FAM177B: variants seen among roughly 807,000 people sequenced by gnomAD.
FAM177B encodes the protein protein FAM177B.
In FAM177B, 16 loss-of-function variants were observed where a neutral mutation model predicts 16.1. The observed-to-expected ratio is 0.99, with a 90% CI of 0.67 to 1.51. The LOEUF is 1.51. Among genes scored for constraint, FAM177B ranks in the 40% most tolerant of loss-of-function variants. FAM177B has a pLI of 0.00. For synonymous variants in FAM177B, 56 were observed against 59.9 expected, an observed-to-expected ratio of 0.93 and a Z score of 0.30; for missense variants, 178 against 183.7, an observed-to-expected ratio of 0.97 and a Z score of 0.18.
At chr1:222,741,047 T>TTTTTG (rs1658501250) in intron 2 of FAM177B, among the ~76,000 whole-genome samples, 1 of 141,622 alleles carries the variant, frequency 7.1e-6, no homozygotes, top group Non-Finnish European at 1.5e-5. Context: ...TGCATCTTAC[T>TTTTTG]TTTTGTTTTC....
intron 2 of FAM177B, 50 bp from the exon 3 acceptor site, chr1:222,746,481 T>A: frequency 9.5e-7 from 1 of 1,047,354 alleles, no homozygotes; most frequent in Non-Finnish European, 1.4e-6. Context: ...ACTAGATAAC[T>A]CTCAGCTCTG....
intron 2 of FAM177B, among the ~76,000 whole-genome samples, chr1:222,745,374 G>A (rs1658743802): frequency 6.6e-6 from 1 of 152,190 alleles, no homozygotes; most frequent in Non-Finnish European, 1.5e-5. Flanking sequence ...CACTTTGGGA[G>A]GCCAAGGTGG....
At chr1:222,737,597 G>C (rs1407771262) in intron 1 of FAM177B, among the ~76,000 whole-genome samples, 1 of 152,186 alleles carries the variant, frequency 6.6e-6, no homozygotes, top group Non-Finnish European at 1.5e-5. Context: ...AGTAGTACAA[G>C]ATGGCGTCAG....
At chr1:222,740,231 A>C (rs1319092676) in intron 2 of FAM177B, among the ~76,000 whole-genome samples, 1 of 152,182 alleles carries the variant, frequency 6.6e-6, no homozygotes, top group East Asian at 1.9e-4. Context: ...TTATTTTTAT[A>C]TATATAAGCA....
At chr1:222,739,790 C>T (rs1658442899) in intron 2 of FAM177B, 1 of 152,126 alleles carries the variant, frequency 6.6e-6, no homozygotes, top group Admixed American at 6.5e-5. Flanking sequence ...ACTTTCAACA[C>T]CAAACATCAC....
chr1:222,747,182 G>A lies in FAM177B; in HGVS notation c.241+101G>A, dbSNP rs75603129. The A allele has an allele frequency of 6.1e-3, 4,980 of 811,246 alleles. 163 individuals carry two copies. In the African/African-American group the frequency reaches 0.073, roughly 12 times the overall value. 50.3% of individuals were successfully genotyped at this position (811,246 alleles called of 1,614,324 possible). On this transcript the variant is annotated intron_variant, in intron 4 of 5. Transcript: ENST00000445590. ...TTCCAATTGTGTAAGCCACTCCATC[G>A]CATCCTGAATAAGTGAGATCTGGGC...
At position 222,749,939 on chromosome 1, in the gene FAM177B, GAA is replaced by G; in HGVS notation, c.360_361del (p.Arg121GlufsTer9). On this transcript the variant is annotated frameshift_variant, in exon 6 of 6. Transcript: ENST00000445590. LOFTEE classifies it low-confidence loss of function (END_TRUNC). ...AAAACAGAAAAGTGACAACAAAAGT[GAA>G]AGGAGAGGATCAAAGGCCCAGGCAG... ...IQNKKSDNKS[E>X]RRGSKAQAAE... 1 of 1,614,094 alleles carries G rather than the reference GAA, an allele frequency of 6.2e-7. No homozygotes were observed. The highest frequency in any genetic ancestry group is 8.5e-7 in the Non-Finnish European group (1 of 1,179,972).
intron 2 of FAM177B, among the ~76,000 whole-genome samples, chr1:222,746,243 G>T (rs1480311618): frequency 6.6e-6 from 1 of 152,174 alleles, no homozygotes; most frequent in Non-Finnish European, 1.5e-5. Context: ...AACGTCTGCA[G>T]GATAGTGACC....
intron 2 of FAM177B, among the ~76,000 whole-genome samples, chr1:222,746,262 CT>C (rs1403198634): frequency 1.3e-5 from 2 of 152,216 alleles, no homozygotes; most frequent in East Asian, 3.8e-4. Flanking sequence ...CCCCTTCCTA[CT>C]AGCAATTGTG....
chr1:222,746,111 T>A (rs965759884), intron 2 of FAM177B, among the ~76,000 whole-genome samples: 1 of 152,264 alleles, frequency 6.6e-6, no homozygotes, highest in African/African-American at 2.4e-5. Flanking sequence ...GCTCTTTACA[T>A]GTTCTGAAAA....
intron 2 of FAM177B, among the ~76,000 whole-genome samples, chr1:222,743,698 T>C (rs1030445370): frequency 2.0e-5 from 3 of 152,210 alleles, no homozygotes; most frequent in African/African-American, 7.2e-5. Flanking sequence ...TGCTAGGAGA[T>C]AGCAAATTAC....
intron 2 of FAM177B, among the ~76,000 whole-genome samples, chr1:222,738,757 G>A (rs1658399762): frequency 6.6e-6 from 1 of 152,084 alleles, no homozygotes; most frequent in South Asian, 2.1e-4. Context: ...ATGTTCCCAA[G>A]GTTTTTGTAA....
chr1:222,749,908 C>G lies in FAM177B; in HGVS notation c.340-13C>G, dbSNP rs1182669439. On this transcript the variant is annotated splice_polypyrimidine_tract_variant and intron_variant, in intron 5 of 5. Transcript: ENST00000445590. ...TGTACAGTTAAACATTTCCTTATTT[C>G]TCTCCAAAACAGAAAAGTGACAACA... 6.2e-7 allele frequency: 1 copy of G among 1,613,744 alleles called. No individual in the cohort carries two copies. Among genetic ancestry groups the G allele is most frequent in the Non-Finnish European group, 8.5e-7 (1 of 1,179,678 alleles).
intron 2 of FAM177B, 43 bp from the exon 3 acceptor site, chr1:222,746,488 T>C: frequency 1.8e-6 from 2 of 1,136,212 alleles, no homozygotes; most frequent in Non-Finnish European, 2.6e-6. Context: ...AACTCTCAGC[T>C]CTGGGTAACT....
At position 222,750,609 on chromosome 1, in the gene FAM177B, A is replaced by C. The variant is rs1276329494; in HGVS notation, c.*551A>C. On this transcript the variant is annotated 3_prime_UTR_variant, in exon 6 of 6. Coordinates refer to ENST00000445590, the MANE Select transcript of FAM177B (RefSeq NM_001394345.1). Reference sequence around the variant, plus strand: ...CAAGATCATTATCAAGATCTTTAAGAATTAGGTACATCCCTCCAAATTAAA... The same window carrying C: ...CAAGATCATTATCAAGATCTTTAAGCATTAGGTACATCCCTCCAAATTAAA... The C allele has an allele frequency of 1.2e-6, 1 of 843,682 alleles. No individual in the cohort carries two copies. Among genetic ancestry groups the C allele is most frequent in the Non-Finnish European group, 1.4e-6 (1 of 700,968 alleles). 52.3% of individuals were successfully genotyped at this position (843,682 alleles called of 1,614,324 possible). A position where few individuals can be genotyped will look rare whatever the true frequency, so the allele number is the denominator to read the frequency against.
intron 5 of FAM177B, 25 bp downstream of exon 5, chr1:222,749,587 A>G (rs200531384): frequency 7.3e-7 from 1 of 1,365,930 alleles, no homozygotes; most frequent in Non-Finnish European, 1.0e-6. Context: ...GATGGAAACA[A>G]GGGGCCTGAG....
chr1:222,742,521 T>G (rs1002326969), intron 2 of FAM177B: 3 of 152,252 alleles, frequency 2.0e-5, no homozygotes, highest in African/African-American at 7.2e-5. Context: ...TAAAAATTAC[T>G]GTTTCTCATT....
chr1:222,749,268 G>T (rs1203717435), intron 4 of FAM177B, 197 bp from the exon 5 acceptor site: 45 of 538,542 alleles, frequency 8.4e-5, no homozygotes, highest in Non-Finnish European at 1.4e-4. Context: ...AAAGATAGAA[G>T]ATTTGACAAA....
rs529782735 is a variant in FAM177B, at chr1:222,749,283, C to T, written c.242-182C>T. On this transcript the variant is annotated intron_variant, in intron 4 of 5. Transcript: ENST00000445590. ...AAAGATAGAAGATTTGACAAATTTC[C>T]TTTGAATCCTAGAATTTTTGAGAGG... The T allele has an allele frequency of 1.7e-4, 92 of 543,708 alleles. 1 individual carries two copies. In the East Asian group the frequency reaches 2.9e-3, roughly 17 times the overall value. 33.7% of individuals were successfully genotyped at this position (543,708 alleles called of 1,614,324 possible).
Sources: allele counts gnomAD v4.1 joint callset (sites outside exome capture counted in the v4.1 genomes callset), GRCh38; gene constraint gnomAD v4.1.1; transcripts MANE v1.5; gene names NCBI Gene and HGNC (gene_info 2026-07-23, HGNC 2026-07-21).